Variants in BCAS3 observed in about 807,000 individuals in gnomAD.
BCAS3 encodes BCAS4/BCAS3 fusion.
A neutral mutation model predicts 116.1 loss-of-function variants in BCAS3; 53 were observed. That is an observed-to-expected ratio of 0.46 (90% CI 0.37 to 0.57). The LOEUF is 0.57. Ranked by LOEUF, BCAS3 falls within the 20% of genes least tolerant of loss-of-function variation. The pLI is 0.00. For synonymous variants in BCAS3, 391 were observed against 408.2 expected, an observed-to-expected ratio of 0.96 and a Z score of 0.51; for missense variants, 917 against 1,165.4, an observed-to-expected ratio of 0.79 and a Z score of 3.10.
intron 12 of BCAS3, among the ~76,000 whole-genome samples, chr17:60,922,184 T>C (rs1010413040): frequency 6.6e-6 from 1 of 152,134 alleles, no homozygotes; most frequent in Non-Finnish European, 1.5e-5. Flanking sequence ...TGGAGTGCAA[T>C]GGCACGATCT....
At chr17:60,847,767 A>G (rs188480044) in intron 7 of BCAS3, among the ~76,000 whole-genome samples, 60 of 152,236 alleles carry the variant, frequency 3.9e-4, no homozygotes, top group Non-Finnish European at 7.5e-4. Context: ...ATTATTTACA[A>G]ATGTTTTCTC....
chr17:60,917,351 T>C (rs1042385457), intron 12 of BCAS3, among the ~76,000 whole-genome samples: 5 of 152,230 alleles, frequency 3.3e-5, no homozygotes, highest in African/African-American at 1.2e-4. Context: ...ACCAGCATTC[T>C]ACTTTCTGTG....
rs938398794 is a variant in BCAS3, at chr17:60,851,246, A to G, written c.477-17330A>G. On this transcript the variant is annotated intron_variant, in intron 7 of 23. Coordinates refer to ENST00000407086, the MANE Select transcript of BCAS3 (RefSeq NM_017679.5). ...GAACAGTAAGAAAATGAACAATCCTATTAAAAAATGAGCAAAAGGGTCTCA... is the reference window on the plus strand; with the variant it reads ...GAACAGTAAGAAAATGAACAATCCTGTTAAAAAATGAGCAAAAGGGTCTCA... 7 of 230,606 alleles carry G rather than the reference A, an allele frequency of 3.0e-5. No individual in the cohort carries two copies. The East Asian group carries it at 4.3e-4, about 14-fold the overall frequency. 14.3% of individuals were successfully genotyped at this position (230,606 alleles called of 1,614,324 possible).
rs1271875757 is a variant in BCAS3, at chr17:61,251,626, T to G, written c.2426-116701T>G. Among the ~76,000 whole-genome samples, 1 of 151,972 alleles carries G rather than the reference T, an allele frequency of 6.6e-6. No individual in the cohort carries two copies. Among genetic ancestry groups the G allele is most frequent in the Non-Finnish European group, 1.5e-5 (1 of 67,988 alleles). Reference sequence around the variant, plus strand: ...TCCTGGTCCATCCAAGATGCTGCCCTTGAGACCTCTGGGTTGATGACTGAT... The same window carrying G: ...TCCTGGTCCATCCAAGATGCTGCCCGTGAGACCTCTGGGTTGATGACTGAT... On this transcript the variant is annotated intron_variant, in intron 22 of 23. Coordinates refer to ENST00000407086, the MANE Select transcript of BCAS3 (RefSeq NM_017679.5). The surrounding 1 kb of genome is among the most constrained non-coding windows in gnomAD (Gnocchi z 4.7).
chr17:61,375,125 C>T (rs568767482), intron 23 of BCAS3, among the ~76,000 whole-genome samples: 4 of 152,026 alleles, frequency 2.6e-5, no homozygotes, highest in African/African-American at 7.2e-5. Context: ...GAACATTAGG[C>T]AGTTTTTAAG....
chr17:61,072,605 T>A (rs2071542439), intron 19 of BCAS3, among the ~76,000 whole-genome samples: 1 of 150,044 alleles, frequency 6.7e-6, no homozygotes, highest in Non-Finnish European at 1.5e-5. Context: ...GCTAGTTACG[T>A]AAGGCATGGT....
At chr17:60,854,129 C>A (rs2053443819) in intron 7 of BCAS3, among the ~76,000 whole-genome samples, 1 of 151,978 alleles carries the variant, frequency 6.6e-6, no homozygotes, top group South Asian at 2.1e-4. Context: ...CAATTCCCAC[C>A]TGAGTGAGAA....
intron 22 of BCAS3, among the ~76,000 whole-genome samples, chr17:61,357,661 C>T (rs1375521236): frequency 1.3e-5 from 2 of 149,754 alleles, no homozygotes; most frequent in African/African-American, 4.9e-5. Context: ...CCAGGCTGGT[C>T]TTGAACTCCT....
intron 22 of BCAS3, among the ~76,000 whole-genome samples, chr17:61,238,522 C>G (rs2083245751): frequency 6.6e-6 from 1 of 151,984 alleles, no homozygotes; most frequent in Non-Finnish European, 1.5e-5. Flanking sequence ...CACCCAGGCA[C>G]AAGAGTATTT....
intron 22 of BCAS3, among the ~76,000 whole-genome samples, chr17:61,201,179 C>T (rs2080795163): frequency 6.6e-6 from 1 of 152,208 alleles, no homozygotes; most frequent in South Asian, 2.1e-4. Context: ...TGCAGACTAC[C>T]TGGCATTCGC....
Position 61,128,366 on chromosome 17 carries a change from A to C in BCAS3, c.2425+43802A>C. On this transcript the variant is annotated intron_variant, in intron 22 of 23. Transcript: ENST00000407086. The surrounding 1 kb of genome is among the most constrained non-coding windows in gnomAD (Gnocchi z 4.1). ...AGTTCCTTTCTTATTTGTTTGATGTACAGGCTTATTTAAGTGAAAGGTGGG... is the reference window on the plus strand; with the variant it reads ...AGTTCCTTTCTTATTTGTTTGATGTCCAGGCTTATTTAAGTGAAAGGTGGG... The C allele has an allele frequency of 1.0e-6, 1 of 985,416 alleles. No individual in the cohort carries two copies. The allele number at this position is 985,416 out of a possible 1,614,324, so 61.0% of individuals were successfully genotyped here.
At chr17:60,823,006 CAGA>C (rs1029632530) in intron 7 of BCAS3, among the ~76,000 whole-genome samples, 2 of 152,004 alleles carry the variant, frequency 1.3e-5, no homozygotes, top group Non-Finnish European at 2.9e-5. Flanking sequence ...GAGAAAATAG[CAGA>C]AGAACAACCC....
At chr17:61,076,266 C>A (rs541840607) in intron 20 of BCAS3, among the ~76,000 whole-genome samples, 3 of 152,186 alleles carry the variant, frequency 2.0e-5, no homozygotes, top group African/African-American at 7.2e-5. Flanking sequence ...AGCTTTTCAT[C>A]GGACAGGTGC....
At chr17:61,058,666 T>C (rs2069646948) in intron 19 of BCAS3, among the ~76,000 whole-genome samples, 1 of 152,244 alleles carries the variant, frequency 6.6e-6, no homozygotes, top group East Asian at 1.9e-4. Context: ...CTTCAATGTC[T>C]GTAACCTTGT....
intron 22 of BCAS3, among the ~76,000 whole-genome samples, chr17:61,160,457 CCT>C (rs1299913279): frequency 2.0e-5 from 3 of 152,042 alleles, no homozygotes; most frequent in Non-Finnish European, 4.4e-5. Flanking sequence ...GTATGTCTCC[CCT>C]CCCTGTGACT....
chr17:60,779,611 C>T (rs2045619824), intron 6 of BCAS3, among the ~76,000 whole-genome samples: 1 of 152,192 alleles, frequency 6.6e-6, no homozygotes, highest in African/African-American at 2.4e-5. Flanking sequence ...TCAGGTGATC[C>T]ACCCGCCTTG....
chr17:60,830,598 GC>G lies in BCAS3; in HGVS notation c.476+22523del, dbSNP rs577279417. 1.4e-3 allele frequency among the ~76,000 whole-genome samples: 209 copies of G among 152,154 alleles called. 1 individual carries two copies. The highest frequency in any genetic ancestry group is 4.8e-3 in the African/African-American group (200 of 41,532). Reference sequence around the variant, plus strand: ...TTTTTTCTTTATTTCTTTGTGTAAAGCTGTTGATCATACCTTAGGATACTGA... The same window carrying G: ...TTTTTTCTTTATTTCTTTGTGTAAAGTGTTGATCATACCTTAGGATACTGA... On this transcript the variant is annotated intron_variant, in intron 7 of 23. Coordinates refer to ENST00000407086, the MANE Select transcript of BCAS3 (RefSeq NM_017679.5).
intron 4 of BCAS3, among the ~76,000 whole-genome samples, chr17:60,691,184 C>T (rs1343955453): frequency 2.0e-5 from 3 of 152,098 alleles, no homozygotes; most frequent in African/African-American, 4.8e-5. Flanking sequence ...TCACCTGCCT[C>T]GGCCTCCCAA....
At position 61,084,436 on chromosome 17, in the gene BCAS3, C is replaced by T; in HGVS notation, c.2328-31C>T. On this transcript the variant is annotated intron_variant, in intron 21 of 23. Transcript: ENST00000407086. This position sits in a 1 kb window ranked among gnomAD's most constrained non-coding sequence, Gnocchi z 5.5. ...CAAGTGACAGTTTTGATGCCAGTAA[C>T]ATATGTGAATTAAATTAAATTGCAT... 1 of 1,559,070 alleles carries T rather than the reference C, an allele frequency of 6.4e-7. No homozygotes were observed. Among genetic ancestry groups the T allele is most frequent in the Non-Finnish European group, 8.8e-7 (1 of 1,140,028 alleles).
Sources: allele counts gnomAD v4.1 joint callset (sites outside exome capture counted in the v4.1 genomes callset), GRCh38; gene constraint gnomAD v4.1.1; non-coding constraint Gnocchi (gnomAD v3.1); transcripts MANE v1.5; gene names NCBI Gene and HGNC (gene_info 2026-07-23, HGNC 2026-07-21).